The following SOX6 variants were observed in gnomAD, a reference collection of about 807,000 sequenced individuals.
SOX6 encodes the protein SRY-box transcription factor 6, also known as transcription factor SOX-6.
A neutral mutation model predicts 97.8 loss-of-function variants in SOX6; 11 were observed. That is an observed-to-expected ratio of 0.11 (90% CI 0.07 to 0.19). The LOEUF is 0.19. Among genes scored for constraint, SOX6 ranks in the 10% least tolerant of loss-of-function variants. The pLI, the probability that SOX6 is intolerant of heterozygous loss-of-function variation, is 1.00. For missense variants in SOX6, 810 were observed against 1,039.5 expected (o/e 0.78, Z 3.04); for synonymous variants, 360 against 371.4 (o/e 0.97, Z 0.35).
At chr11:16,661,136 A>G (rs1293413092) in intron 3 of SOX6, among the ~76,000 whole-genome samples, 1 of 152,214 alleles carries the variant, frequency 6.6e-6, no homozygotes, top group East Asian at 1.9e-4. Context: ...CTTTGTTATT[A>G]GGCACATAAA....
In SOX6 at chr11:16,034,927, C is replaced by G. The variant is rs114175584; in HGVS notation, c.1623+11587G>C. 3.4e-3 allele frequency among the ~76,000 whole-genome samples: 511 copies of G among 152,224 alleles called. 2 individuals carry two copies. Among genetic ancestry groups the G allele is most frequent in the African/African-American group, 0.012 (478 of 41,540 alleles). ...ACAGATGCATAGTCGGATAGACAGA[C>G]GCACAGCAGGAGCAGGTACCCACTT... On this transcript the variant is annotated intron_variant, in intron 12 of 15. Transcript: ENST00000683767.
At chr11:16,394,477 A>G (rs1289113604) in intron 1 of SOX6, among the ~76,000 whole-genome samples, 5 of 151,938 alleles carry the variant, frequency 3.3e-5, no homozygotes, top group African/African-American at 7.2e-5. Context: ...CTTGGACTTA[A>G]TTACAAATGC....
At chr11:16,596,401 C>T (rs1565189421) in intron 4 of SOX6, among the ~76,000 whole-genome samples, 7 of 152,222 alleles carry the variant, frequency 4.6e-5, no homozygotes, top group Admixed American at 3.9e-4. Flanking sequence ...ACATTCATGA[C>T]AGACACAGCC....
intron 4 of SOX6, among the ~76,000 whole-genome samples, chr11:16,508,502 TA>T (rs1042382424): frequency 7.9e-4 from 120 of 151,844 alleles, no homozygotes; most frequent in African/African-American, 2.8e-3. Flanking sequence ...TATTTGGCCA[TA>T]AAAAAAATAA....
At chr11:16,438,899 T>C (rs982997925) in intron 1 of SOX6, among the ~76,000 whole-genome samples, 1 of 152,236 alleles carries the variant, frequency 6.6e-6, no homozygotes, top group Middle Eastern at 3.4e-3. Context: ...GCCACAGAAG[T>C]AACCTTATAA....
At chr11:16,275,536 T>C (rs1854375748) in intron 3 of SOX6, among the ~76,000 whole-genome samples, 1 of 152,174 alleles carries the variant, frequency 6.6e-6, no homozygotes, top group Non-Finnish European at 1.5e-5. Flanking sequence ...GTTATTAACA[T>C]CTTATTGTGA....
chr11:16,032,710 C>T (rs914702191), intron 12 of SOX6, among the ~76,000 whole-genome samples: 6 of 152,102 alleles, frequency 3.9e-5, no homozygotes, highest in South Asian at 4.2e-4. Flanking sequence ...GCATTCAAGG[C>T]TTCCATCATC....
intron 1 of SOX6, among the ~76,000 whole-genome samples, chr11:16,384,614 C>T (rs1325561194): frequency 2.6e-5 from 4 of 151,740 alleles, no homozygotes; most frequent in Non-Finnish European, 5.9e-5. Flanking sequence ...GTTTAAACAA[C>T]TCTAGGAAAA....
chr11:16,683,255 A>G (rs182705321), intron 3 of SOX6, among the ~76,000 whole-genome samples: 1 of 152,358 alleles, frequency 6.6e-6, no homozygotes, highest in East Asian at 1.9e-4. Context: ...ACATGGAACC[A>G]AAAAGGAGCC....
intron 6 of SOX6, among the ~76,000 whole-genome samples, chr11:16,132,904 G>A (rs548743841): frequency 4.6e-5 from 7 of 152,262 alleles, no homozygotes; most frequent in African/African-American, 1.4e-4. Flanking sequence ...CAAAGCAAGA[G>A]TAGGCAGATT....
At position 16,131,092 on chromosome 11, in the gene SOX6, G is replaced by GA. The variant is rs375795103; in HGVS notation, c.778-19170dup. ...CAGAACAAAAGCGTAAACCAGAACA[G>GA]AAAAAAAAAATGGTAGAATGGGTGT... On this transcript the variant is annotated intron_variant, in intron 6 of 15. Coordinates refer to ENST00000683767, the MANE Select transcript of SOX6 (RefSeq NM_001367873.1). Among the ~76,000 whole-genome samples, 374 of 144,144 alleles carry GA rather than the reference G, an allele frequency of 2.6e-3. 1 individual carries two copies. Among genetic ancestry groups the GA allele is most frequent in the African/African-American group, 8.5e-3 (335 of 39,524 alleles). The allele number at this position is 144,144 out of a possible 152,430, so 94.6% of individuals were successfully genotyped here. A position where few individuals can be genotyped will look rare whatever the true frequency, so the allele number is the denominator to read the frequency against.
intron 4 of SOX6, among the ~76,000 whole-genome samples, chr11:16,604,161 C>T (rs974797866): frequency 1.3e-5 from 2 of 152,246 alleles, no homozygotes; most frequent in Non-Finnish European, 2.9e-5. Context: ...CACAGCCTCT[C>T]GAACTTTGTG....
At chr11:16,163,233 T>C (rs1850799837) in intron 6 of SOX6, among the ~76,000 whole-genome samples, 1 of 152,210 alleles carries the variant, frequency 6.6e-6, no homozygotes, top group South Asian at 2.1e-4. Context: ...CATGTGTATG[T>C]ATGTGCTATA....
intron 1 of SOX6, among the ~76,000 whole-genome samples, chr11:16,389,179 C>T (rs1229134025): frequency 1.3e-5 from 2 of 152,116 alleles, no homozygotes; most frequent in African/African-American, 2.4e-5. Context: ...AACTCCTGGA[C>T]TCAAGTGATC....
At chr11:16,471,314 T>G (rs1007665914) in intron 1 of SOX6, among the ~76,000 whole-genome samples, 18 of 152,150 alleles carry the variant, frequency 1.2e-4, no homozygotes, top group Non-Finnish European at 8.8e-5. Flanking sequence ...GAGACAGCCA[T>G]TTTCCTTCAC....
chr11:16,470,498 G>A (rs1282258746), intron 1 of SOX6, among the ~76,000 whole-genome samples: 1 of 152,076 alleles, frequency 6.6e-6, no homozygotes, highest in Non-Finnish European at 1.5e-5. Context: ...CATGACATGT[G>A]GCAATTTTGG....
At chr11:16,659,530 T>C (rs1847749897) in intron 3 of SOX6, among the ~76,000 whole-genome samples, 1 of 152,236 alleles carries the variant, frequency 6.6e-6, no homozygotes, top group Admixed American at 6.5e-5. Flanking sequence ...CCCTTCCATG[T>C]AAACTTTAGA....
chr11:16,535,500 C>T (rs117731662), intron 4 of SOX6, among the ~76,000 whole-genome samples: 5,154 of 152,058 alleles, frequency 0.034, 124 homozygotes, highest in Non-Finnish European at 0.056. Flanking sequence ...GGCAAAACCC[C>T]GTCTCTACAA....
intron 4 of SOX6, among the ~76,000 whole-genome samples, chr11:16,204,447 G>A (rs1207652003): frequency 6.6e-6 from 1 of 152,010 alleles, no homozygotes; most frequent in South Asian, 2.1e-4. Context: ...AGTATGCCTG[G>A]TATGTGTATA....
Sources: allele counts gnomAD v4.1 joint callset (sites outside exome capture counted in the v4.1 genomes callset), GRCh38; gene constraint gnomAD v4.1.1; transcripts MANE v1.5; gene names NCBI Gene and HGNC (gene_info 2026-07-23, HGNC 2026-07-21).